Variants in YTHDC2 observed in about 807,000 individuals in gnomAD.
YTHDC2 encodes YTH N6-methyladenosine RNA binding protein C2.
Under a neutral mutation model 174.9 loss-of-function variants are expected in YTHDC2, and 45 were observed. The observed-to-expected ratio is 0.26, with a 90% CI of 0.20 to 0.33. The LOEUF (loss-of-function observed/expected upper bound fraction) is 0.33. Among genes scored for constraint, YTHDC2 ranks in the 10% least tolerant of loss-of-function variants. The pLI is 1.00. For missense variants in YTHDC2, 1,650 were observed against 1,723.7 expected (o/e 0.96, Z 0.76); for synonymous variants, 657 against 574.5 (o/e 1.14, Z -2.05).
At chr5:113,565,591 A>T (rs1298067983) in intron 20 of YTHDC2, 1 of 196,328 alleles carries the variant, frequency 5.1e-6, no homozygotes, top group Non-Finnish European at 1.0e-5. Flanking sequence ...GAAAACCTAT[A>T]CTTTTGTAGA....
chr5:113,583,892 A>G lies in YTHDC2; in HGVS notation c.3648-410A>G, dbSNP rs143418108. The stretch of plus-strand genomic sequence containing the variant: ...GTGGTGTTGTGAACTTTATATTGCA[A>G]TACATCAGGAAGTACTTAATGTCTG... On this transcript the variant is annotated intron_variant, in intron 25 of 29. Transcript: ENST00000161863. 1.1e-3 allele frequency: 168 copies of G among 153,674 alleles called. 1 individual carries two copies. The highest frequency in any genetic ancestry group is 3.3e-3 in the South Asian group (16 of 4,888). The allele number at this position is 153,674 out of a possible 1,614,324, so 9.5% of individuals were successfully genotyped here.
At chr5:113,574,696 G>A (rs757031134) in intron 23 of YTHDC2, among the ~76,000 whole-genome samples, 11 of 152,210 alleles carry the variant, frequency 7.2e-5, no homozygotes, top group Non-Finnish European at 1.5e-4. Flanking sequence ...CATGGAAGTG[G>A]ATCCCACAGA....
chr5:113,553,044 C>A, intron 12 of YTHDC2, 137 bp from the exon 13 acceptor site: 2 of 867,648 alleles, frequency 2.3e-6, no homozygotes, highest in Non-Finnish European at 3.2e-6. Context: ...GAAATCAAAA[C>A]ATGAATCATA....
At chr5:113,572,170 C>G (rs7703186) in intron 23 of YTHDC2, among the ~76,000 whole-genome samples, 1 of 152,028 alleles carries the variant, frequency 6.6e-6, no homozygotes, top group Non-Finnish European at 1.5e-5. Flanking sequence ...TACATTGTCT[C>G]TTTGTTCTCA....
intron 23 of YTHDC2, among the ~76,000 whole-genome samples, chr5:113,579,101 C>G (rs373058212): frequency 2.6e-5 from 4 of 151,834 alleles, no homozygotes; most frequent in African/African-American, 9.6e-5. Context: ...ACCATTTTGT[C>G]TTTCTAATTC....
intron 23 of YTHDC2, among the ~76,000 whole-genome samples, chr5:113,577,676 G>C (rs1243634776): frequency 1.3e-5 from 2 of 152,002 alleles, no homozygotes; most frequent in African/African-American, 2.4e-5. Flanking sequence ...GGCCTCTTTT[G>C]TATATTAATT....
At chr5:113,524,847 C>CT in intron 2 of YTHDC2, 134 bp from the exon 3 acceptor site, 1 of 654,672 alleles carries the variant, frequency 1.5e-6, no homozygotes, top group East Asian at 3.5e-5. Flanking sequence ...TTTTTTTGGA[C>CT]TTTCAGCATC....
chr5:113,567,629 T>A (rs764675284), intron 22 of YTHDC2, 25 bp from the exon 23 acceptor site: 77 of 1,541,682 alleles, frequency 5.0e-5, no homozygotes, highest in Non-Finnish European at 6.3e-5. Context: ...CAATTAACAA[T>A]TTTTAAAATT....
intron 9 of YTHDC2, 21 bp downstream of exon 9, chr5:113,541,137 C>T: frequency 1.9e-6 from 3 of 1,613,456 alleles, no homozygotes. Flanking sequence ...CCTGGTTTCC[C>T]ACTCATATTT....
intron 23 of YTHDC2, among the ~76,000 whole-genome samples, chr5:113,572,180 A>T (rs1777766714): frequency 6.6e-6 from 1 of 152,142 alleles, no homozygotes. Flanking sequence ...CTTTGTTCTC[A>T]TTACTTTCAA....
rs1776921107 is a variant in YTHDC2, at chr5:113,560,942, G to A, written c.2217-138G>A. On this transcript the variant is annotated intron_variant, in intron 17 of 29. Transcript: ENST00000161863. ...TGCTTTCCAAAATGATTGATAAGAG[G>A]ATAAGAAACAGAATAGGATTTAAAC... is the stretch of plus-strand genomic sequence containing the variant. 3 of 642,932 alleles carry A rather than the reference G, an allele frequency of 4.7e-6. 1 individual carries two copies. 39.8% of individuals were successfully genotyped at this position (642,932 alleles called of 1,614,324 possible).
rs1778979929 is a variant in YTHDC2 at position 113,591,075 on chromosome 5, C to G, written c.3860C>G (p.Pro1287Arg). Residue 1287 changes from proline to arginine, a missense_variant, in exon 27 of 30, where the codon CCT (proline) becomes CGT (arginine). Coordinates refer to ENST00000161863, the MANE Select transcript of YTHDC2 (RefSeq NM_022828.5). ...SKSPSPRPNMPVRYFIMKSSN... is the reference protein window; with the variant it reads ...SKSPSPRPNMRVRYFIMKSSN... ...TCTCCTTCGCCAAGACCAAACATGC[C>G]TGTTCGATACTTCATAATGAAGAGT... 3.7e-6 allele frequency: 6 copies of G among 1,613,768 alleles called. No homozygotes were observed. The highest frequency in any genetic ancestry group is 3.3e-5 in the Admixed American group (2 of 59,970).
intron 18 of YTHDC2, 132 bp from the exon 19 acceptor site, chr5:113,563,241 C>T (rs904782579): frequency 2.8e-6 from 2 of 707,244 alleles, no homozygotes; most frequent in Non-Finnish European, 4.3e-6. Flanking sequence ...AGACATTGTT[C>T]CTTCTACTGT....
intron 23 of YTHDC2, among the ~76,000 whole-genome samples, chr5:113,577,152 A>G (rs970845127): frequency 2.0e-5 from 3 of 152,026 alleles, no homozygotes; most frequent in South Asian, 2.1e-4. Flanking sequence ...TGTATACTCT[A>G]TTCCTTTACA....
chr5:113,520,463 C>T (rs1045926136), intron 2 of YTHDC2, among the ~76,000 whole-genome samples: 1 of 151,316 alleles, frequency 6.6e-6, no homozygotes, highest in Non-Finnish European at 1.5e-5. Flanking sequence ...CTGGGTTTTC[C>T]CAAGAATAAA....
At chr5:113,544,693 T>G (rs1487151177) in intron 10 of YTHDC2, among the ~76,000 whole-genome samples, 1 of 130,752 alleles carries the variant, frequency 7.6e-6, no homozygotes, top group Non-Finnish European at 1.5e-5. Context: ...TTTTAAATTT[T>G]TTGTTTTTTT....
chr5:113,561,455 ATCTATCTATCTATC>A (rs1237212075), intron 18 of YTHDC2, among the ~76,000 whole-genome samples: 5 of 141,898 alleles, frequency 3.5e-5, no homozygotes, highest in African/African-American at 5.8e-5. Flanking sequence ...CTATCTATCT[ATCTATCTATCTATC>A]TATATTTTTT....
chr5:113,548,833 A>C (rs1236642092), intron 11 of YTHDC2, 122 bp from the exon 12 acceptor site: 2 of 1,149,256 alleles, frequency 1.7e-6, no homozygotes, highest in Non-Finnish European at 2.3e-6. Flanking sequence ...TTTAACTATA[A>C]TTTATCTTAT....
intron 16 of YTHDC2, among the ~76,000 whole-genome samples, chr5:113,555,296 A>C (rs1223801608): frequency 1.3e-5 from 2 of 151,678 alleles, no homozygotes; most frequent in Non-Finnish European, 2.9e-5. Flanking sequence ...ATTAAAAACC[A>C]AATAAGCTGT....
Sources: gnomAD v4.1 joint callset for allele counts (sites outside exome capture counted in the v4.1 genomes callset) on GRCh38, gnomAD v4.1.1 for gene constraint, MANE v1.5 for transcripts, NCBI Gene and HGNC (gene_info 2026-07-23, HGNC 2026-07-21) for gene names.